CPNE8: variants seen among roughly 807,000 people sequenced by gnomAD.
CPNE8 encodes the protein copine-8.
Under a neutral mutation model 81.5 loss-of-function variants are expected in CPNE8, and 45 were observed. That is an observed-to-expected ratio of 0.55 (90% CI 0.44 to 0.71). The LOEUF (loss-of-function observed/expected upper bound fraction) is 0.71, where lower values mean the gene tolerates loss of function less well. CPNE8 is among the 30% of genes least tolerant of loss of function. The probability of loss-of-function intolerance (pLI) is 0.00; values close to 1 mark genes in which losing one functional copy is unlikely to be tolerated. For synonymous variants in CPNE8, 252 were observed against 226.3 expected, an observed-to-expected ratio of 1.11 and a Z score of -1.02; for missense variants, 594 against 672.1, an observed-to-expected ratio of 0.88 and a Z score of 1.28.
chr12:38,654,956 T>C (rs1938785716), intron 19 of CPNE8, among the ~76,000 whole-genome samples: 1 of 152,150 alleles, frequency 6.6e-6, no homozygotes, highest in Non-Finnish European at 1.5e-5. Flanking sequence ...ACACAGCTCA[T>C]ATTAATAGGA....
intron 1 of CPNE8, among the ~76,000 whole-genome samples, chr12:38,893,697 G>A (rs748550642): frequency 2.6e-5 from 4 of 151,836 alleles, no homozygotes; most frequent in East Asian, 3.9e-4. Context: ...TGTCTGGGTC[G>A]GGAGCCCTTT....
At position 38,902,335 on chromosome 12, in the gene CPNE8, A is replaced by G. The variant is rs56014863; in HGVS notation, c.98+3102T>C. Among the ~76,000 whole-genome samples the G allele has an allele frequency of 9.2e-3, 689 of 74,878 alleles. 9 individuals are homozygous for G. The highest frequency in any genetic ancestry group is 0.032 in the African/African-American group (425 of 13,164). 49.1% of individuals were successfully genotyped at this position (74,878 alleles called of 152,430 possible). On this transcript the variant is annotated intron_variant, in intron 1 of 19. Coordinates refer to ENST00000331366, the MANE Select transcript of CPNE8 (RefSeq NM_153634.3). ...AGGAAGGAAAGAAAGAAAGAAAGAA[A>G]GAAAGAAAGAAAGAAAGAAAGAAAG...
intron 4 of CPNE8, among the ~76,000 whole-genome samples, chr12:38,841,737 C>T (rs1943470380): frequency 6.6e-6 from 1 of 152,102 alleles, no homozygotes; most frequent in Admixed American, 6.5e-5. Context: ...ACTGGCAATA[C>T]ATACATGCCA....
At chr12:38,854,259 A>G (rs1441362346) in intron 3 of CPNE8, among the ~76,000 whole-genome samples, 1 of 151,866 alleles carries the variant, frequency 6.6e-6, no homozygotes, top group Non-Finnish European at 1.5e-5. Flanking sequence ...CCTCTTGGAA[A>G]TAAAACACTG....
intron 6 of CPNE8, among the ~76,000 whole-genome samples, chr12:38,816,718 A>G (rs546823818): frequency 1.6e-4 from 25 of 152,360 alleles, no homozygotes; most frequent in African/African-American, 4.6e-4. Flanking sequence ...TTAAAAATAT[A>G]TACTGGAATG....
chr12:38,845,247 T>C (rs986288925), intron 4 of CPNE8, among the ~76,000 whole-genome samples: 2 of 152,184 alleles, frequency 1.3e-5, no homozygotes, highest in Non-Finnish European at 2.9e-5. Context: ...AAACAACCTA[T>C]GTAATTTTTC....
intron 8 of CPNE8, among the ~76,000 whole-genome samples, chr12:38,764,892 C>CAG (rs974411041): frequency 1.3e-5 from 2 of 151,704 alleles, no homozygotes; most frequent in Non-Finnish European, 2.9e-5. Context: ...AAAAGAGAGA[C>CAG]AGAGAGAGAG....
At chr12:38,747,947 T>C (rs1941270469) in intron 10 of CPNE8, among the ~76,000 whole-genome samples, 2 of 152,152 alleles carry the variant, frequency 1.3e-5, no homozygotes. Flanking sequence ...TTTCATTTTA[T>C]TAAAAAAAGC....
At chr12:38,754,324 T>G (rs1941414408) in intron 10 of CPNE8, among the ~76,000 whole-genome samples, 1 of 152,170 alleles carries the variant, frequency 6.6e-6, no homozygotes, top group Admixed American at 6.5e-5. Context: ...AACGTTTATA[T>G]AATTTTCTTA....
chr12:38,777,711 A>G (rs1941964463), intron 6 of CPNE8, among the ~76,000 whole-genome samples: 1 of 152,188 alleles, frequency 6.6e-6, no homozygotes, highest in African/African-American at 2.4e-5. Flanking sequence ...AACATGCTGT[A>G]CACATTTGTA....
chr12:38,833,479 C>CTTT (rs543470951), intron 5 of CPNE8, among the ~76,000 whole-genome samples: 29,485 of 130,480 alleles, frequency 0.23, 4,532 homozygotes, highest in Non-Finnish European at 0.32. Flanking sequence ...TGAAATTAAC[C>CTTT]TTTTTTTTTT....
intron 18 of CPNE8, among the ~76,000 whole-genome samples, chr12:38,672,080 G>T (rs536268487): frequency 4.0e-5 from 6 of 151,834 alleles, no homozygotes; most frequent in African/African-American, 1.2e-4. Context: ...ACATTACTTT[G>T]GGACATAAAT....
upstream of CPNE8, chr12:38,906,451 C>G (rs969873365): frequency 4.1e-6 from 4 of 985,510 alleles, no homozygotes; most frequent in Admixed American, 6.1e-5. Context: ...ATTCCTCCTA[C>G]AGTAAGGGCT....
At chr12:38,842,234 A>T (rs1356163858) in intron 4 of CPNE8, among the ~76,000 whole-genome samples, 1 of 152,200 alleles carries the variant, frequency 6.6e-6, no homozygotes, top group African/African-American at 2.4e-5. Flanking sequence ...TTATATAAGA[A>T]AATTTTTTTA....
intron 6 of CPNE8, among the ~76,000 whole-genome samples, chr12:38,816,596 T>C (rs1943028455): frequency 6.6e-6 from 1 of 152,024 alleles, no homozygotes; most frequent in South Asian, 2.1e-4. Flanking sequence ...AAAAATAGTA[T>C]GAAAGAAAGG....
chr12:38,797,813 C>T (rs774010279), intron 6 of CPNE8, among the ~76,000 whole-genome samples: 21 of 152,072 alleles, frequency 1.4e-4, no homozygotes, highest in African/African-American at 2.7e-4. Flanking sequence ...AAAATTTAGA[C>T]GAATGTATAA....
rs529151441 is a variant in CPNE8, at chr12:38,768,977, A to G, written c.472-1239T>C. On this transcript the variant is annotated intron_variant, in intron 7 of 19. Transcript: ENST00000331366. ...ATCACTTCTTTATCTTACAGAGTCCAGCAATACTTACTAAGTATACACCTA... is the reference window on the plus strand; with the variant it reads ...ATCACTTCTTTATCTTACAGAGTCCGGCAATACTTACTAAGTATACACCTA... Among the ~76,000 whole-genome samples, 214 of 152,348 alleles carry G rather than the reference A, an allele frequency of 1.4e-3. 3 individuals are homozygous for G. The highest frequency in any genetic ancestry group is 1.8e-3 in the Non-Finnish European group (125 of 68,026).
chr12:38,837,983 G>C (rs1033982588), intron 5 of CPNE8, among the ~76,000 whole-genome samples: 4 of 151,992 alleles, frequency 2.6e-5, no homozygotes, highest in Admixed American at 1.3e-4. Flanking sequence ...ATAAAATGTA[G>C]TCACTAGTGA....
At chr12:38,717,429 G>GTATATATATATATATATATATA (rs57044387) in intron 13 of CPNE8, among the ~76,000 whole-genome samples, 70 of 87,010 alleles carry the variant, frequency 8.0e-4, no homozygotes, top group African/African-American at 2.1e-3. Context: ...AAAGTGTGGT[G>GTATATATATATATATATATATA]TATATATATA....
Sources: gnomAD v4.1 joint callset for allele counts (sites outside exome capture counted in the v4.1 genomes callset) on GRCh38, gnomAD v4.1.1 for gene constraint, MANE v1.5 for transcripts, NCBI Gene and HGNC (gene_info 2026-07-23, HGNC 2026-07-21) for gene names.